CHL1: variants seen among roughly 807,000 people sequenced by gnomAD.
CHL1 encodes cell adhesion molecule L1 like.
CHL1 carries 96 observed loss-of-function variants against 141.9 expected under a neutral mutation model. The ratio of observed to expected loss-of-function variants is 0.68; its 90% CI spans 0.57 to 0.80. The LOEUF is 0.80. Among genes scored for constraint, CHL1 ranks in the 30% least tolerant of loss-of-function variants. CHL1 has a pLI of 0.00. For missense variants in CHL1, 1,820 were observed against 1,457.2 expected (o/e 1.25, Z -4.05); for synonymous variants, 613 against 502.2 (o/e 1.22, Z -2.95).
chr3:342,736 C>T (rs1702437579), intron 7 of CHL1, among the ~76,000 whole-genome samples: 1 of 151,906 alleles, frequency 6.6e-6, no homozygotes, highest in Non-Finnish European at 1.5e-5. Context: ...TTCACTATAA[C>T]ATTCTTCTAG....
At chr3:362,151 G>T (rs1704320634) in intron 13 of CHL1, among the ~76,000 whole-genome samples, 1 of 152,092 alleles carries the variant, frequency 6.6e-6, no homozygotes, top group Admixed American at 6.6e-5. Context: ...TTGTTGTTTT[G>T]GGATTATCTA....
intron 1 of CHL1, among the ~76,000 whole-genome samples, chr3:222,932 T>A (rs1019528635): frequency 6.6e-6 from 1 of 152,126 alleles, no homozygotes; most frequent in Non-Finnish European, 1.5e-5. Flanking sequence ...ATCTTCCAAT[T>A]TTCCTTTCTT....
chr3:264,219 G>A (rs994692120), intron 2 of CHL1, among the ~76,000 whole-genome samples: 3 of 152,044 alleles, frequency 2.0e-5, no homozygotes, highest in African/African-American at 2.4e-5. Context: ...ATTTCTCTAC[G>A]CACTTTTAAA....
chr3:391,086 A>G lies in CHL1; in HGVS notation c.2718A>G (p.Leu906=). 1.2e-6 allele frequency: 2 copies of G among 1,614,040 alleles called. No individual in the cohort carries two copies. The highest frequency in any genetic ancestry group is 1.7e-6 in the Non-Finnish European group (2 of 1,179,868). ...PSLDAFSEFH[L]TVLAYNSKGA... ...TAGATGCCTTTAGTGAATTTCATTT[A>G]ACAGTCTTAGCCTATAACTCTAAAG... is the stretch of plus-strand genomic sequence containing the variant. The change falls in exon 22 of 28, where the codon TTA becomes TTG. Residue 906 remains leucine, a synonymous_variant. Transcript: ENST00000256509.
At chr3:286,608 C>T (rs1251400659) in intron 2 of CHL1, among the ~76,000 whole-genome samples, 4 of 77,152 alleles carry the variant, frequency 5.2e-5, no homozygotes, top group African/African-American at 9.0e-5. Context: ...GAGACTTTGT[C>T]TCAAAAAAAA....
chr3:253,379 T>G (rs1289129346), intron 2 of CHL1, among the ~76,000 whole-genome samples: 3 of 152,264 alleles, frequency 2.0e-5, no homozygotes, highest in East Asian at 3.9e-4. Flanking sequence ...AGAGCTGGTA[T>G]CAGAGAATTA....
At chr3:283,493 G>C (rs1696843423) in intron 2 of CHL1, among the ~76,000 whole-genome samples, 2 of 152,098 alleles carry the variant, frequency 1.3e-5, no homozygotes, top group African/African-American at 4.8e-5. Flanking sequence ...CATTAGTCTA[G>C]CCAGTCAACT....
At chr3:213,900 A>C (rs1009051985) in intron 1 of CHL1, among the ~76,000 whole-genome samples, 1 of 152,218 alleles carries the variant, frequency 6.6e-6, no homozygotes, top group African/African-American at 2.4e-5. Flanking sequence ...CTGATGTGAA[A>C]AAAATGTGAT....
At chr3:230,971 TC>T (rs1236274580) in intron 1 of CHL1, among the ~76,000 whole-genome samples, 2 of 152,166 alleles carry the variant, frequency 1.3e-5, no homozygotes, top group East Asian at 3.8e-4. Context: ...TCCTTAGCTT[TC>T]CCCAGATGCT....
intron 8 of CHL1, among the ~76,000 whole-genome samples, chr3:343,381 G>T (rs1467732161): frequency 6.6e-6 from 1 of 152,174 alleles, no homozygotes; most frequent in Non-Finnish European, 1.5e-5. Flanking sequence ...AGTGTCAAAA[G>T]ACGTAGAGAA....
chr3:238,329 G>A (rs936339680), intron 1 of CHL1, among the ~76,000 whole-genome samples: 1 of 151,844 alleles, frequency 6.6e-6, no homozygotes, highest in African/African-American at 2.4e-5. Flanking sequence ...AAAAGCTGAG[G>A]TGCTCACAGC....
At chr3:316,199 G>T (rs1484237737) in intron 2 of CHL1, among the ~76,000 whole-genome samples, 2 of 152,004 alleles carry the variant, frequency 1.3e-5, no homozygotes, top group African/African-American at 2.4e-5. Context: ...TGGCACAACT[G>T]CCAGGGTCTA....
chr3:362,627 A>C (rs926563576), intron 13 of CHL1, among the ~76,000 whole-genome samples: 5 of 152,078 alleles, frequency 3.3e-5, no homozygotes, highest in Non-Finnish European at 7.4e-5. Flanking sequence ...TATCCTTAAA[A>C]AAAAAAAAGA....
At chr3:330,199 A>G (rs1047321140) in intron 5 of CHL1, among the ~76,000 whole-genome samples, 2 of 152,156 alleles carry the variant, frequency 1.3e-5, no homozygotes, top group African/African-American at 2.4e-5. Flanking sequence ...TAAAAAACTT[A>G]TATCTTTGAA....
Position 390,792 on chromosome 3 carries a change from A to G in CHL1, c.2562A>G (p.Val854=), listed in dbSNP as rs1485208862. The change falls in exon 21 of 28, where the codon GTA becomes GTG. Residue 854 remains valine (V), a synonymous_variant. Transcript: ENST00000256509. ...VTWSTVPKDR[V]HGRLKGYQIN... is the part of the protein sequence containing the mutation. ...GGTCAACAGTTCCAAAGGACAGAGT[A>G]CATGGACGTCTGAAAGGCTATCAGG... is the stretch of plus-strand genomic sequence containing the variant. 2 of 1,608,136 alleles carry G rather than the reference A, an allele frequency of 1.2e-6. No individual in the cohort carries two copies. The highest frequency in any genetic ancestry group is 4.5e-5 in the East Asian group (2 of 44,844).
At chr3:262,008 A>T (rs1694781348) in intron 2 of CHL1, among the ~76,000 whole-genome samples, 3 of 85,024 alleles carry the variant, frequency 3.5e-5, no homozygotes, top group Non-Finnish European at 4.9e-5. Context: ...CAGGATTCAC[A>T]CGTTTAAGCC....
chr3:291,322 T>C (rs868270238), intron 2 of CHL1, among the ~76,000 whole-genome samples: 19 of 152,282 alleles, frequency 1.2e-4, no homozygotes, highest in Middle Eastern at 3.4e-3. Flanking sequence ...TCCTTATTAT[T>C]GCAAATGTAT....
intron 1 of CHL1, among the ~76,000 whole-genome samples, chr3:227,778 T>C (rs774969175): frequency 1.2e-4 from 18 of 152,226 alleles, no homozygotes; most frequent in Non-Finnish European, 1.9e-4. Context: ...TTTCTACTCC[T>C]TGAGATACCT....
At chr3:329,453 G>A (rs1701271962) in intron 5 of CHL1, among the ~76,000 whole-genome samples, 1 of 151,858 alleles carries the variant, frequency 6.6e-6, no homozygotes, top group Admixed American at 6.6e-5. Context: ...TCTAGAGGAA[G>A]GAATATAGGT....
Sources: allele counts gnomAD v4.1 joint callset (sites outside exome capture counted in the v4.1 genomes callset), GRCh38; gene constraint gnomAD v4.1.1; transcripts MANE v1.5; gene names NCBI Gene and HGNC (gene_info 2026-07-23, HGNC 2026-07-21).